TBX18: variants seen among roughly 807,000 people sequenced by gnomAD.
The protein encoded by TBX18 is T-box transcription factor TBX18.
Under a neutral mutation model 55.0 loss-of-function variants are expected in TBX18, and 21 were observed. The observed-to-expected ratio is 0.38, with a 90% CI of 0.27 to 0.55. The LOEUF (loss-of-function observed/expected upper bound fraction) is 0.55, where lower values mean the gene tolerates loss of function less well. Ranked by LOEUF, TBX18 falls within the 20% of genes least tolerant of loss-of-function variation. TBX18 has a pLI of 0.73. For missense variants in TBX18, 840 were observed against 799.6 expected (o/e 1.05, Z -0.61); for synonymous variants, 342 against 326.1 (o/e 1.05, Z -0.53).
In TBX18 at chr6:84,745,550, T is replaced by G. The variant is rs192906991; in HGVS notation, c.940-1225A>C. Among the ~76,000 whole-genome samples, 744 of 152,252 alleles carry G rather than the reference T, an allele frequency of 4.9e-3. 2 individuals carry two copies. Among genetic ancestry groups the G allele is most frequent in the Middle Eastern group, 0.014 (4 of 294 alleles). ...ATATGTGTTCCATATGATGTTATCTTAGTATGTGGATAAAACTATATTATA... is the reference window on the plus strand; with the variant it reads ...ATATGTGTTCCATATGATGTTATCTGAGTATGTGGATAAAACTATATTATA... On this transcript the variant is annotated intron_variant, in intron 5 of 7. Transcript: ENST00000369663.
Position 84,736,845 on chromosome 6 carries a change from A to C in TBX18, c.1664T>G (p.Leu555Trp). 1.2e-6 allele frequency: 2 copies of C among 1,613,770 alleles called. No homozygotes were observed. The highest frequency in any genetic ancestry group is 1.7e-6 in the Non-Finnish European group (2 of 1,179,916). Reference sequence around the variant, plus strand: ...CATGGTCCCACTCGGTGAGGACCCCAAGAAACTTCCTTGGGAAGAAACAAT... The same window carrying C: ...CATGGTCCCACTCGGTGAGGACCCCCAGAAACTTCCTTGGGAAGAAACAAT... Reference protein sequence around the residue: ...EKIVSSQGSFLGSSPSGTMTD... With the variant: ...EKIVSSQGSFWGSSPSGTMTD... Residue 555 changes from leucine (L) to tryptophan (W), a missense_variant, in exon 8 of 8, where the codon TTG (leucine) becomes TGG (tryptophan). Leu to Trp is a moderately conservative substitution (Grantham distance 61, BLOSUM62 -2). Transcript: ENST00000369663.
intron 7 of TBX18, 119 bp downstream of exon 7, chr6:84,738,378 G>C (rs758353666): frequency 4.8e-6 from 4 of 832,252 alleles, no homozygotes; most frequent in Non-Finnish European, 8.3e-6. Flanking sequence ...GAATCTGTAG[G>C]ACAATGCTGG....
chr6:84,760,211 C>A, intron 3 of TBX18, 44 bp downstream of exon 3: 5 of 1,271,054 alleles, frequency 3.9e-6, no homozygotes, highest in Non-Finnish European at 5.4e-6. Flanking sequence ...CCTGCAAAAT[C>A]CTAGTGTTTT....
Position 84,745,725 on chromosome 6 carries a change from A to G in TBX18, c.940-1400T>C, listed in dbSNP as rs557968777. 1.5e-4 allele frequency among the ~76,000 whole-genome samples: 23 copies of G among 152,288 alleles called. No individual in the cohort carries two copies. In the South Asian group the frequency reaches 4.8e-3, roughly 32 times the overall value. On this transcript the variant is annotated intron_variant, in intron 5 of 7. Transcript: ENST00000369663. The stretch of plus-strand genomic sequence containing the variant: ...TAAGCAATGTAAATGTTCATTTAAA[A>G]TGTTGTTTTTTAAAAAGTACAGATT...
rs947510312 is a variant in TBX18 at position 84,734,843 on chromosome 6, T to C, written c.*1842A>G. The C allele has an allele frequency of 5.3e-5, 8 of 152,188 alleles. No individual in the cohort carries two copies. The highest frequency in any genetic ancestry group is 1.9e-4 in the African/African-American group (8 of 41,444). 9.4% of individuals were successfully genotyped at this position (152,188 alleles called of 1,614,324 possible). On this transcript the variant is annotated 3_prime_UTR_variant, in exon 8 of 8. Transcript: ENST00000369663. ...CTTTCCCCAAATCTTTGTCAAGCTA[T>C]TAATGCCATACCCAAACATCTTACA...
intron 1 of TBX18, 69 bp from the exon 2 acceptor site, chr6:84,762,817 G>A: frequency 2.1e-6 from 3 of 1,459,832 alleles, no homozygotes; most frequent in Non-Finnish European, 2.8e-6. Flanking sequence ...GCGGAGACGG[G>A]CCCACCTGGT....
intron 5 of TBX18, among the ~76,000 whole-genome samples, chr6:84,746,342 C>T (rs1270146852): frequency 2.0e-5 from 3 of 149,330 alleles, no homozygotes; most frequent in African/African-American, 4.9e-5. Flanking sequence ...CCCAAAAAAT[C>T]GTTTTCTGTC....
rs751349202 is a variant in TBX18, at chr6:84,764,048, T to A, written c.134A>T (p.Glu45Val). ...TCCGTCGTCCACGGCCCCCGCCGCC[T>A]CTTCGGCGCCCAGTTTTCGCCGCTT... The part of the protein sequence containing the change: ...QKKRRKLGAE[E>V]AAGAVDDGGC... The change falls in exon 1 of 8, where the codon GAG becomes GTG. Residue 45 changes from glutamate to valine, a missense_variant. Glu to Val is a moderately radical substitution (Grantham distance 121, BLOSUM62 -2). Transcript: ENST00000369663. 7.7e-6 allele frequency: 12 copies of A among 1,559,170 alleles called. No homozygotes were observed. Among genetic ancestry groups the A allele is most frequent in the East Asian group, 2.4e-5 (1 of 42,414 alleles).
At chr6:84,751,007 A>G (rs926306428) in intron 4 of TBX18, among the ~76,000 whole-genome samples, 2 of 152,208 alleles carry the variant, frequency 1.3e-5, no homozygotes, top group Non-Finnish European at 2.9e-5. Context: ...CCAAGGTAAG[A>G]AACAAAATGC....
At position 84,735,765 on chromosome 6, in the gene TBX18, A is replaced by AAT. The variant is rs1773922267; in HGVS notation, c.*919_*920insAT. On this transcript the variant is annotated 3_prime_UTR_variant, in exon 8 of 8. Transcript: ENST00000369663. Reference sequence around the variant, plus strand: ...TATACAAAAACATAAGGTATAGTTAACAATAGTATTACTCTTGATTTAAAA... The same window carrying AAT: ...TATACAAAAACATAAGGTATAGTTAAATCAATAGTATTACTCTTGATTTAAAA... 1 of 152,220 alleles carries AAT rather than the reference A, an allele frequency of 6.6e-6. No individual in the cohort carries two copies. The highest frequency in any genetic ancestry group is 2.4e-5 in the African/African-American group (1 of 41,456). The allele number at this position is 152,220 out of a possible 1,614,324, so 9.4% of individuals were successfully genotyped here. A position where few individuals can be genotyped will look rare whatever the true frequency, so the allele number is the denominator to read the frequency against.
intron 7 of TBX18, among the ~76,000 whole-genome samples, chr6:84,738,206 G>A (rs1766936000): frequency 6.6e-6 from 1 of 152,150 alleles, no homozygotes; most frequent in Non-Finnish European, 1.5e-5. Flanking sequence ...AATTTCTTGT[G>A]AACAGGACCT....
chr6:84,764,318 A>G lies in TBX18; in HGVS notation c.-137T>C. 8.2e-7 allele frequency: 1 copy of G among 1,217,292 alleles called. No homozygotes were observed. Among genetic ancestry groups the G allele is most frequent in the Non-Finnish European group, 1.1e-6 (1 of 937,572 alleles). The allele number at this position is 1,217,292 out of a possible 1,614,324, so 75.4% of individuals were successfully genotyped here. On this transcript the variant is annotated 5_prime_UTR_variant, in exon 1 of 8. Transcript: ENST00000369663. ...TCTGCCCCCTTCCCCACCGCGGGCA[A>G]AAAACAGATTTGGCGTTTCCGCTTT...
chr6:84,739,723 TG>T (rs1215405622), intron 6 of TBX18, among the ~76,000 whole-genome samples: 3 of 152,174 alleles, frequency 2.0e-5, no homozygotes, highest in African/African-American at 7.2e-5. Flanking sequence ...AGTCATAACC[TG>T]CAAACTAAGA....
At chr6:84,748,848 A>G (rs1410681381) in intron 4 of TBX18, among the ~76,000 whole-genome samples, 1 of 152,248 alleles carries the variant, frequency 6.6e-6, no homozygotes, top group African/African-American at 2.4e-5. Flanking sequence ...TATTTGTAAC[A>G]GTAGAAAAAC....
In TBX18 at chr6:84,733,656, T is replaced by C. The variant is rs1364696414; in HGVS notation, c.*3029A>G. The C allele has an allele frequency of 6.6e-6, 1 of 152,194 alleles. No individual in the cohort carries two copies. The highest frequency in any genetic ancestry group is 1.5e-5 in the Non-Finnish European group (1 of 68,038). 9.4% of individuals were successfully genotyped at this position (152,194 alleles called of 1,614,324 possible). On this transcript the variant is annotated 3_prime_UTR_variant, in exon 8 of 8. Coordinates refer to ENST00000369663, the MANE Select transcript of TBX18 (RefSeq NM_001080508.3). ...TTGCACCTTCTCCTTCCCATACAAA[T>C]CTTCCCAGAATTGTCCTGCTACAAA...
At chr6:84,737,783 G>A (rs1351577802) in intron 7 of TBX18, among the ~76,000 whole-genome samples, 1 of 152,084 alleles carries the variant, frequency 6.6e-6, no homozygotes, top group African/African-American at 2.4e-5. Flanking sequence ...CCAAAGGGCT[G>A]GACAGGTTGT....
intron 5 of TBX18, among the ~76,000 whole-genome samples, chr6:84,747,703 T>C (rs1429669342): frequency 6.6e-6 from 1 of 152,188 alleles, no homozygotes; most frequent in Non-Finnish European, 1.5e-5. Flanking sequence ...ACCTACACTG[T>C]CAGTCACAAG....
At chr6:84,738,745 CTT>C (rs1766960165) in intron 6 of TBX18, among the ~76,000 whole-genome samples, 154 bp from the exon 7 acceptor site, 1 of 152,168 alleles carries the variant, frequency 6.6e-6, no homozygotes, top group African/African-American at 2.4e-5. Flanking sequence ...AGAAGAAATG[CTT>C]CAGCAATGGG....
Position 84,736,547 on chromosome 6 carries a change from C to T in TBX18, c.*138G>A. The stretch of plus-strand genomic sequence containing the variant: ...AATTACAATCTCACCATGATAAAGT[C>T]AAAAAACCCAGTGAGCCTTCATTTT... On this transcript the variant is annotated 3_prime_UTR_variant, in exon 8 of 8. Transcript: ENST00000369663. 1 of 1,032,492 alleles carries T rather than the reference C, an allele frequency of 9.7e-7. No individual in the cohort carries two copies. Among genetic ancestry groups the T allele is most frequent in the Non-Finnish European group, 1.3e-6 (1 of 749,580 alleles). 64.0% of individuals were successfully genotyped at this position (1,032,492 alleles called of 1,614,324 possible). A position where few individuals can be genotyped will look rare whatever the true frequency, so the allele number is the denominator to read the frequency against.
Sources: gnomAD v4.1 joint callset for allele counts (sites outside exome capture counted in the v4.1 genomes callset) on GRCh38, gnomAD v4.1.1 for gene constraint, MANE v1.5 for transcripts, NCBI Gene and HGNC (gene_info 2026-07-23, HGNC 2026-07-21) for gene names.